ST7: variants seen among roughly 807,000 people sequenced by gnomAD.
ST7 encodes the protein suppression of tumorigenicity 7, also known as suppressor of tumorigenicity 7 protein.
ST7 carries 28 observed loss-of-function variants against 78.7 expected under a neutral mutation model. The ratio of observed to expected loss-of-function variants is 0.36; its 90% CI spans 0.26 to 0.49. The LOEUF (loss-of-function observed/expected upper bound fraction) is 0.49, where lower values mean the gene tolerates loss of function less well. Ranked by LOEUF, ST7 falls within the 20% of genes least tolerant of loss-of-function variation. The pLI is 0.99. For missense variants in ST7, 418 were observed against 696.0 expected, an observed-to-expected ratio of 0.60 and a Z score of 4.49; for synonymous variants, 247 against 249.6, an observed-to-expected ratio of 0.99 and a Z score of 0.10.
intron 1 of ST7, among the ~76,000 whole-genome samples, chr7:117,003,685 A>T (rs1260450268): frequency 6.6e-6 from 1 of 152,130 alleles, no homozygotes; most frequent in Non-Finnish European, 1.5e-5. Flanking sequence ...CTCCTGCCTC[A>T]GCCTCCCAAA....
intron 1 of ST7, among the ~76,000 whole-genome samples, chr7:117,002,184 C>T (rs10953833): frequency 0.95 from 144,140 of 152,168 alleles, 68,782 homozygotes; most frequent in East Asian, 1. Context: ...GCCGAGGTCG[C>T]GCCACTGTAC....
intron 6 of ST7, 64 bp from the exon 7 acceptor site, chr7:117,134,060 G>A (rs994661157): frequency 6.3e-7 from 1 of 1,595,440 alleles, no homozygotes. Context: ...AAATGACATA[G>A]TGACTCTCTC....
At chr7:117,084,396 G>A (rs1417839172) in intron 1 of ST7, among the ~76,000 whole-genome samples, 1 of 152,178 alleles carries the variant, frequency 6.6e-6, no homozygotes, top group Non-Finnish European at 1.5e-5. Context: ...AATCCAACTG[G>A]AAATACCTGT....
intron 2 of ST7, among the ~76,000 whole-genome samples, chr7:117,100,945 A>G (rs1183053675): frequency 1.3e-5 from 2 of 152,244 alleles, no homozygotes; most frequent in African/African-American, 4.8e-5. Flanking sequence ...GAAGTGGATG[A>G]TCAGAAGAAA....
At chr7:117,076,077 A>C (rs562676080) in intron 1 of ST7, among the ~76,000 whole-genome samples, 8 of 152,306 alleles carry the variant, frequency 5.3e-5, no homozygotes, top group Admixed American at 2.0e-4. Context: ...CTCCTGGTTT[A>C]ATCAGTCAGG....
chr7:117,058,056 C>G (rs1798155519), intron 1 of ST7, among the ~76,000 whole-genome samples: 3 of 152,118 alleles, frequency 2.0e-5, no homozygotes, highest in South Asian at 4.1e-4. Context: ...TAATTTTTCA[C>G]AGGTTTCTAC....
intron 10 of ST7, among the ~76,000 whole-genome samples, chr7:117,183,765 C>T: frequency 6.6e-6 from 1 of 152,194 alleles, no homozygotes; most frequent in Non-Finnish European, 1.5e-5. Flanking sequence ...AGTTACATAT[C>T]CCTGAGAAAT....
intron 2 of ST7, among the ~76,000 whole-genome samples, chr7:117,106,143 C>T (rs1444589557): frequency 6.6e-6 from 1 of 152,030 alleles, no homozygotes; most frequent in African/African-American, 2.4e-5. Context: ...GGACTACAGG[C>T]GCCTGCCACC....
intron 1 of ST7, among the ~76,000 whole-genome samples, chr7:117,003,364 C>T (rs899618922): frequency 2.6e-5 from 4 of 152,020 alleles, no homozygotes; most frequent in African/African-American, 9.7e-5. Context: ...GTGGCCCAAT[C>T]TTGGCACATT....
intron 3 of ST7, among the ~76,000 whole-genome samples, chr7:117,127,627 C>T (rs1204563844): frequency 6.6e-6 from 1 of 151,894 alleles, no homozygotes; most frequent in Non-Finnish European, 1.5e-5. Context: ...TTACTTAGAT[C>T]CTTTTTTCTA....
chr7:116,997,821 A>T (rs1462796342), intron 1 of ST7, among the ~76,000 whole-genome samples: 1 of 152,002 alleles, frequency 6.6e-6, no homozygotes. Flanking sequence ...TGACTGTTAC[A>T]TTTACAAACC....
chr7:117,207,411 AG>A (rs1302289685), intron 12 of ST7, among the ~76,000 whole-genome samples: 4 of 151,926 alleles, frequency 2.6e-5, no homozygotes, highest in African/African-American at 7.3e-5. Context: ...CAAAGTGCTG[AG>A]ATTACAGCCG....
chr7:117,177,520 A>G (rs1808431759), intron 10 of ST7, among the ~76,000 whole-genome samples: 1 of 152,216 alleles, frequency 6.6e-6, no homozygotes, highest in Non-Finnish European at 1.5e-5. Context: ...GCCCTCTGAC[A>G]CAGACCTTCT....
At chr7:117,005,695 T>C (rs1395379805) in intron 1 of ST7, among the ~76,000 whole-genome samples, 3 of 152,092 alleles carry the variant, frequency 2.0e-5, no homozygotes, top group Non-Finnish European at 4.4e-5. Context: ...TAAAAATAAA[T>C]TCTGCTCATG....
chr7:117,158,881 G>A (rs773017421), intron 9 of ST7, among the ~76,000 whole-genome samples: 21 of 152,012 alleles, frequency 1.4e-4, no homozygotes, highest in Non-Finnish European at 2.5e-4. Context: ...TGTCAAACTT[G>A]CAACTATAAC....
chr7:116,984,294 TTTC>T (rs1332127361), intron 1 of ST7, among the ~76,000 whole-genome samples: 1 of 152,208 alleles, frequency 6.6e-6, no homozygotes, highest in Non-Finnish European at 1.5e-5. Flanking sequence ...ATAAATTCCT[TTTC>T]TTTATAAATT....
chr7:117,071,075 C>G (rs1023245655), intron 1 of ST7, among the ~76,000 whole-genome samples: 19 of 151,786 alleles, frequency 1.3e-4, no homozygotes, highest in Admixed American at 8.5e-4. Context: ...AAAAATTAGC[C>G]GGGCGTGGTG....
At chr7:116,953,806 C>A in intron 1 of ST7, 115 bp downstream of exon 1, 1 of 681,442 alleles carries the variant, frequency 1.5e-6, no homozygotes, top group Non-Finnish European at 1.8e-6. Flanking sequence ...GGGGCCCGCG[C>A]ACCGGAGGCC....
intron 9 of ST7, among the ~76,000 whole-genome samples, chr7:117,152,931 A>G (rs916043353): frequency 2.6e-5 from 4 of 152,102 alleles, no homozygotes; most frequent in African/African-American, 9.7e-5. Flanking sequence ...TCCTGTTTCA[A>G]CCTTGCCTTC....
Sources: allele counts gnomAD v4.1 joint callset (sites outside exome capture counted in the v4.1 genomes callset), GRCh38; gene constraint gnomAD v4.1.1; transcripts MANE v1.5; gene names NCBI Gene and HGNC (gene_info 2026-07-23, HGNC 2026-07-21).